LLGL1: variants seen among roughly 807,000 people sequenced by gnomAD.
LLGL1 encodes the protein LLGL scribble cell polarity complex component 1.
In LLGL1, 58 loss-of-function variants were observed where a neutral mutation model predicts 110.6. That is an observed-to-expected ratio of 0.52 (90% CI 0.42 to 0.65). The LOEUF (loss-of-function observed/expected upper bound fraction) is 0.65, where lower values mean the gene tolerates loss of function less well. Ranked by LOEUF, LLGL1 falls within the 30% of genes least tolerant of loss-of-function variation. LLGL1 has a pLI of 0.00. For missense variants in LLGL1, 1,229 were observed against 1,462.1 expected (o/e 0.84, Z 2.60); for synonymous variants, 674 against 607.2 (o/e 1.11, Z -1.62).
intron 1 of LLGL1, among the ~76,000 whole-genome samples, chr17:18,228,357 G>A (rs2047497511): frequency 6.6e-6 from 1 of 152,224 alleles, no homozygotes; most frequent in African/African-American, 2.4e-5. Context: ...TAGGTGCAAA[G>A]GCCCTGAGGC....
intron 16 of LLGL1, among the ~76,000 whole-genome samples, chr17:18,238,951 C>T (rs1303411368): frequency 6.6e-6 from 1 of 152,168 alleles, no homozygotes; most frequent in African/African-American, 2.4e-5. Context: ...GCGGAGGTTG[C>T]AGTGAGCCGA....
At position 18,233,797 on chromosome 17, in the gene LLGL1, C is replaced by G. The variant is rs777016863; in HGVS notation, c.412C>G (p.Arg138Gly). 21 of 1,613,692 alleles carry G rather than the reference C, an allele frequency of 1.3e-5. No homozygotes were observed. In the Admixed American group the frequency reaches 2.7e-4, roughly 20 times the overall value. Reference protein sequence around the residue: ...DGASAPLSLTRVTVVLLVAAS... With the variant: ...DGASAPLSLTGVTVVLLVAAS... The stretch of plus-strand genomic sequence containing the variant: ...CTGCAGTGCTCCGCTCAGCCTTACC[C>G]GAGTCACAGTGGTCCTGCTGGTGGC... Residue 138 changes from arginine (R) to glycine (G), a missense_variant, in exon 5 of 23, where the codon CGA (arginine) becomes GGA (glycine). By Grantham distance (125) the Arg-to-Gly change is moderately radical (BLOSUM62 -2). Transcript: ENST00000316843.
Position 18,240,617 on chromosome 17 carries a change from C to T in LLGL1, c.2246C>T (p.Ser749Leu), listed in dbSNP as rs373022414. 2.2e-5 allele frequency: 36 copies of T among 1,608,758 alleles called. No individual in the cohort carries two copies. The highest frequency in any genetic ancestry group is 3.0e-5 in the Non-Finnish European group (35 of 1,176,784). The change falls in exon 17 of 23, where the codon TCA becomes TTA. Residue 749 changes from serine to leucine, a missense_variant. By Grantham distance (145) the Ser-to-Leu change is moderately radical. Transcript: ENST00000316843. This position sits in a 1 kb window ranked among gnomAD's most constrained non-coding sequence, Gnocchi z 5.3. Reference protein sequence around the residue: ...HGPTMWAGTNSGSVFAYALEV... With the variant: ...HGPTMWAGTNLGSVFAYALEV... ...CCCACCATGTGGGCTGGCACCAACT[C>T]AGGCTCTGTGTTCGCCTATGCACTG...
intron 13 of LLGL1, 24 bp from the exon 14 acceptor site, chr17:18,237,457 C>T (rs1437892648): frequency 5.8e-6 from 9 of 1,550,052 alleles, no homozygotes; most frequent in Non-Finnish European, 7.9e-6. Flanking sequence ...CGCTGATGCT[C>T]CCCCTGCCTG....
At chr17:18,233,665 G>A (rs1397244012) in intron 4 of LLGL1, 113 bp from the exon 5 acceptor site, 2 of 1,159,350 alleles carry the variant, frequency 1.7e-6, no homozygotes, top group South Asian at 1.5e-5. Context: ...AGTAGGCCCT[G>A]GTGAGTGCTG....
chr17:18,231,083 G>T (rs1445959064), intron 2 of LLGL1, among the ~76,000 whole-genome samples: 1 of 152,156 alleles, frequency 6.6e-6, no homozygotes, highest in Non-Finnish European at 1.5e-5. Context: ...TCCTGTGTTG[G>T]GGTCTCCAGT....
In LLGL1 at chr17:18,234,869, G is replaced by A. The variant is rs372476783; in HGVS notation, c.936G>A (p.Met312Ile). ...GGHFIIFSGG[M>I]PRASYGDRHC... The stretch of plus-strand genomic sequence containing the variant: ...ACTTTATCATCTTCAGCGGTGGCAT[G>A]CCCCGTGCCAGCTATGGTGACCGCC... The change falls in exon 9 of 23, where the codon ATG (methionine) becomes ATA (isoleucine). Residue 312 changes from methionine to isoleucine, a missense_variant. Physicochemically the swap from Met to Ile is conservative, Grantham distance 10 (BLOSUM62 1). Transcript: ENST00000316843. 8 of 1,614,044 alleles carry A rather than the reference G, an allele frequency of 5.0e-6. No individual in the cohort carries two copies. Among genetic ancestry groups the A allele is most frequent in the South Asian group, 1.1e-5 (1 of 91,086 alleles).
chr17:18,234,542 G>T (rs1471360057), intron 7 of LLGL1, 107 bp from the exon 8 acceptor site: 1 of 1,573,498 alleles, frequency 6.4e-7, no homozygotes, highest in African/African-American at 1.4e-5. Context: ...ACTTCCCGGG[G>T]AGGCAGGAGG....
intron 1 of LLGL1, among the ~76,000 whole-genome samples, chr17:18,227,606 C>T (rs550329274): frequency 1.2e-4 from 18 of 152,278 alleles, no homozygotes; most frequent in Admixed American, 1.1e-3. Flanking sequence ...AGGCTGGTCT[C>T]GAACTCCTGG....
intron 11 of LLGL1, 172 bp from the exon 12 acceptor site, chr17:18,236,435 G>A: frequency 1.6e-6 from 1 of 637,052 alleles, no homozygotes; most frequent in Non-Finnish European, 2.7e-6. Context: ...CAGGTGCACA[G>A]TGTACCTGTG....
rs549581258 is a variant in LLGL1 at position 18,241,184 on chromosome 17, C to T, written c.2503-267C>T. 1.0e-4 allele frequency: 62 copies of T among 595,384 alleles called. 1 individual carries two copies. Among genetic ancestry groups the T allele is most frequent in the East Asian group, 6.2e-4 (22 of 35,468 alleles). The allele number at this position is 595,384 out of a possible 1,614,324, so 36.9% of individuals were successfully genotyped here. ...CCAGGGGCTCTGCCTCGAAAGAACT[C>T]GAGGTTTGATGGGGATACCAGCTGC... On this transcript the variant is annotated intron_variant, in intron 17 of 22. Coordinates refer to ENST00000316843, the MANE Select transcript of LLGL1 (RefSeq NM_004140.4).
chr17:18,241,213 AC>A (rs2047823762), intron 17 of LLGL1: 1 of 611,470 alleles, frequency 1.6e-6, no homozygotes, highest in African/African-American at 1.8e-5. Flanking sequence ...CAGCTGCATA[AC>A]CTTGGCATAA....
Position 18,241,554 on chromosome 17 carries a change from C to T in LLGL1, c.2606C>T (p.Ala869Val). The stretch of plus-strand genomic sequence containing the variant: ...GCACTGGCCACGTTTGCCAGTGTGG[C>T]CTGCGAGGACTATGCTGAGACCTGC... ...KVALATFASV[A>V]CEDYAETCLA... The change falls in exon 18 of 23, where the codon GCC becomes GTC. Residue 869 changes from alanine to valine, a missense_variant. By Grantham distance (64) the Ala-to-Val change is moderately conservative (BLOSUM62 0). Coordinates refer to ENST00000316843, the MANE Select transcript of LLGL1 (RefSeq NM_004140.4). 6.2e-7 allele frequency: 1 copy of T among 1,613,782 alleles called. No individual in the cohort carries two copies.
chr17:18,238,470 T>G lies in LLGL1; in HGVS notation c.2067T>G (p.Asn689Lys). The change falls in exon 16 of 23, where the codon AAT (asparagine) becomes AAG (lysine). Residue 689 changes from asparagine (N) to lysine (K), a missense_variant. By Grantham distance (94) the Asn-to-Lys change is moderately conservative. Coordinates refer to ENST00000316843, the MANE Select transcript of LLGL1 (RefSeq NM_004140.4). ...ANASSKLQEA[N>K]AQLAEQACPH... ...CCGCCCGGCAGTTGCAGGAAGCCAA[T>G]GCACAGCTGGCTGAGCAGGCCTGCC... 2 of 1,610,790 alleles carry G rather than the reference T, an allele frequency of 1.2e-6. No homozygotes were observed. Among genetic ancestry groups the G allele is most frequent in the Non-Finnish European group, 1.7e-6 (2 of 1,178,828 alleles).
Position 18,236,831 on chromosome 17 carries a change from C to T in LLGL1, c.1507-4C>T, listed in dbSNP as rs762010206. On this transcript the variant is annotated splice_region_variant and splice_polypyrimidine_tract_variant and intron_variant, in intron 12 of 22. Transcript: ENST00000316843. ...GGACTCATTACTCCTTCCCATCCCTCTAGGTGGGCTGCTTCGATCCCTACA... is the reference window on the plus strand; with the variant it reads ...GGACTCATTACTCCTTCCCATCCCTTTAGGTGGGCTGCTTCGATCCCTACA... 5 of 1,613,696 alleles carry T rather than the reference C, an allele frequency of 3.1e-6. No homozygotes were observed. The highest frequency in any genetic ancestry group is 4.2e-6 in the Non-Finnish European group (5 of 1,179,902).
intron 2 of LLGL1, among the ~76,000 whole-genome samples, chr17:18,231,859 C>T (rs1445877925): frequency 6.6e-6 from 1 of 152,288 alleles, no homozygotes; most frequent in South Asian, 2.1e-4. Flanking sequence ...GAGGTTTCAC[C>T]ATCTTGGCCA....
rs756665185 is a variant in LLGL1 at position 18,237,651 on chromosome 17, G to A, written c.1782G>A (p.Gln594=). 3.7e-6 allele frequency: 6 copies of A among 1,612,196 alleles called. No homozygotes were observed. The highest frequency in any genetic ancestry group is 2.2e-5 in the South Asian group (2 of 91,046). Residue 594 remains glutamine, a synonymous_variant, in exon 14 of 23, where the codon CAG becomes CAA. Transcript: ENST00000316843. ...GCTTCCAGCCCCGTGTCCTGGTGCA[G>A]TGCCTGCCGCCAGCTGCTGTAACCG... ...PAGFQPRVLV[Q]CLPPAAVTAV...
At chr17:18,231,552 C>T (rs545172357) in intron 2 of LLGL1, among the ~76,000 whole-genome samples, 146 of 152,316 alleles carry the variant, frequency 9.6e-4, no homozygotes, top group Non-Finnish European at 1.2e-3. Flanking sequence ...GGTCATCCAC[C>T]CCCTCCAAGT....
At chr17:18,233,691 G>C in intron 4 of LLGL1, 87 bp from the exon 5 acceptor site, 1 of 1,428,098 alleles carries the variant, frequency 7.0e-7, no homozygotes, top group Non-Finnish European at 9.6e-7. Flanking sequence ...CCAGTGATGA[G>C]TTATCAGCAG....
Sources: gnomAD v4.1 joint callset for allele counts (sites outside exome capture counted in the v4.1 genomes callset) on GRCh38, gnomAD v4.1.1 for gene constraint, Gnocchi (gnomAD v3.1) non-coding constraint, MANE v1.5 for transcripts, NCBI Gene and HGNC (gene_info 2026-07-23, HGNC 2026-07-21) for gene names.